The following MGAT5 variants were observed in gnomAD, a reference collection of about 807,000 sequenced individuals.
MGAT5 encodes the protein alpha-1,6-mannosylglycoprotein 6-beta-N-acetylglucosaminyltransferase A.
A neutral mutation model predicts 94.3 loss-of-function variants in MGAT5; 30 were observed. The observed-to-expected ratio is 0.32, with a 90% CI of 0.24 to 0.43. The LOEUF is 0.43. Among genes scored for constraint, MGAT5 ranks in the 20% least tolerant of loss-of-function variants. The pLI, the probability that MGAT5 is intolerant of heterozygous loss-of-function variation, is 1.00. For missense variants in MGAT5, 691 were observed against 905.5 expected (o/e 0.76, Z 3.04); for synonymous variants, 310 against 322.9 (o/e 0.96, Z 0.43).
chr2:134,125,101 G>A (rs896975699), intron 1 of MGAT5, among the ~76,000 whole-genome samples: 1 of 152,060 alleles, frequency 6.6e-6, no homozygotes, highest in African/African-American at 2.4e-5. Flanking sequence ...ATGTCTTGGT[G>A]GAGAAACATC....
At chr2:134,206,457 T>C (rs1003827930) in intron 1 of MGAT5, among the ~76,000 whole-genome samples, 3 of 152,204 alleles carry the variant, frequency 2.0e-5, no homozygotes, top group Admixed American at 1.3e-4. Flanking sequence ...TGCCTATTGC[T>C]GCTGTAACAA....
intron 2 of MGAT5, among the ~76,000 whole-genome samples, chr2:134,278,772 TTATTC>T (rs1332470128): frequency 6.6e-5 from 10 of 152,212 alleles, no homozygotes; most frequent in Non-Finnish European, 1.5e-4. Flanking sequence ...TGCCTGCAGT[TTATTC>T]ATGCTCTTAC....
chr2:134,361,705 T>C (rs1360843962), intron 9 of MGAT5, among the ~76,000 whole-genome samples: 1 of 152,222 alleles, frequency 6.6e-6, no homozygotes, highest in Non-Finnish European at 1.5e-5. Context: ...CTTCATTCCA[T>C]GCACCTGTTC....
In MGAT5 at chr2:134,260,061, G is replaced by A. The variant is rs115955349; in HGVS notation, c.241+5417G>A. On this transcript the variant is annotated intron_variant, in intron 1 of 15. Transcript: ENST00000281923. ...GAGCATGCCAAGGAGAAGGCACGGC[G>A]TATGCTAGGTCCTAAGGCCTACTCC... 8.5e-3 allele frequency among the ~76,000 whole-genome samples: 1,253 copies of A among 146,834 alleles called. 15 individuals carry two copies. The highest frequency in any genetic ancestry group is 0.031 in the African/African-American group (1,177 of 38,420).
intron 1 of MGAT5, among the ~76,000 whole-genome samples, chr2:134,257,976 A>G (rs144076641): frequency 1.3e-5 from 2 of 152,138 alleles, no homozygotes; most frequent in East Asian, 3.9e-4. Flanking sequence ...AGAAGAAAAA[A>G]ATTCCTTCTT....
At chr2:134,421,448 G>T (rs1396212488) in intron 12 of MGAT5, among the ~76,000 whole-genome samples, 2 of 152,032 alleles carry the variant, frequency 1.3e-5, no homozygotes, top group African/African-American at 4.8e-5. Context: ...AGCCAGGCAT[G>T]GTGGTGCGCA....
chr2:134,248,753 T>C (rs1201098394), intron 1 of MGAT5, among the ~76,000 whole-genome samples: 1 of 152,172 alleles, frequency 6.6e-6, no homozygotes, highest in East Asian at 1.9e-4. Context: ...AGACCAAATC[T>C]CTGCTTGGGG....
chr2:134,245,848 G>A (rs768169697), intron 1 of MGAT5, among the ~76,000 whole-genome samples: 86 of 152,294 alleles, frequency 5.6e-4, no homozygotes, highest in Non-Finnish European at 9.6e-4. Flanking sequence ...GAACTCCACT[G>A]AGTGGATGGT....
intron 2 of MGAT5, among the ~76,000 whole-genome samples, chr2:134,291,262 A>G (rs1377487823): frequency 6.6e-6 from 1 of 152,124 alleles, no homozygotes; most frequent in Admixed American, 6.5e-5. Context: ...TTGAGGGGAG[A>G]GCCCTCATGA....
intron 1 of MGAT5, among the ~76,000 whole-genome samples, chr2:134,143,756 G>T (rs1176447554): frequency 1.3e-5 from 2 of 152,156 alleles, no homozygotes; most frequent in African/African-American, 4.8e-5. Flanking sequence ...GCAGTAACCT[G>T]GTAACAATGT....
At chr2:134,383,134 T>G (rs1290518518) in intron 10 of MGAT5, among the ~76,000 whole-genome samples, 2 of 152,244 alleles carry the variant, frequency 1.3e-5, no homozygotes, top group Non-Finnish European at 1.5e-5. Context: ...TACACTTACC[T>G]GACATTTTAA....
chr2:134,425,465 A>G (rs947884885), intron 13 of MGAT5, among the ~76,000 whole-genome samples: 5 of 151,530 alleles, frequency 3.3e-5, no homozygotes, highest in African/African-American at 7.3e-5. Flanking sequence ...TGAGGATTTT[A>G]TAAGTATGAT....
chr2:134,283,168 A>G (rs1422344193), intron 2 of MGAT5, among the ~76,000 whole-genome samples: 1 of 152,114 alleles, frequency 6.6e-6, no homozygotes, highest in Non-Finnish European at 1.5e-5. Flanking sequence ...GCTGGGGTTC[A>G]AGTCTGAGTT....
Position 134,448,877 on chromosome 2 carries a change from G to T in MGAT5, c.*30G>T, listed in dbSNP as rs1338778495. On this transcript the variant is annotated 3_prime_UTR_variant, in exon 16 of 16. Transcript: ENST00000281923. ...TACCTGCTCAGCCCTGCACCATGCT[G>T]CTGGGGAAGACAGTGGCCCCAGCCC... The T allele has an allele frequency of 6.2e-7, 1 of 1,601,754 alleles. No homozygotes were observed. Among genetic ancestry groups the T allele is most frequent in the Non-Finnish European group, 8.5e-7 (1 of 1,173,582 alleles).
chr2:134,206,003 C>CA (rs2105302935), intron 1 of MGAT5, among the ~76,000 whole-genome samples: 1 of 152,270 alleles, frequency 6.6e-6, no homozygotes, highest in East Asian at 1.9e-4. Context: ...GAAAGCTACC[C>CA]AAAAAGGCTG....
chr2:134,190,516 A>G (rs958407034), intron 1 of MGAT5, among the ~76,000 whole-genome samples: 1 of 152,146 alleles, frequency 6.6e-6, no homozygotes, highest in African/African-American at 2.4e-5. Flanking sequence ...ACCCAACCCC[A>G]CAACAACAAA....
intron 1 of MGAT5, among the ~76,000 whole-genome samples, chr2:134,176,616 A>G (rs1263901059): frequency 6.6e-6 from 1 of 151,448 alleles, no homozygotes. Flanking sequence ...TCAAGAACTG[A>G]TAAGAATAAA....
chr2:134,434,356 G>T (rs554103703), intron 14 of MGAT5, among the ~76,000 whole-genome samples: 1 of 152,250 alleles, frequency 6.6e-6, no homozygotes, highest in Admixed American at 6.5e-5. Flanking sequence ...CTTTTTGTTG[G>T]TTTATGACTA....
chr2:134,284,256 T>C (rs1425736791), intron 2 of MGAT5, among the ~76,000 whole-genome samples: 2 of 152,168 alleles, frequency 1.3e-5, no homozygotes, highest in Non-Finnish European at 2.9e-5. Context: ...CACATTTACA[T>C]AGCCTGTGTC....
Sources: gnomAD v4.1 joint callset for allele counts (sites outside exome capture counted in the v4.1 genomes callset) on GRCh38, gnomAD v4.1.1 for gene constraint, MANE v1.5 for transcripts, NCBI Gene and HGNC (gene_info 2026-07-23, HGNC 2026-07-21) for gene names.